The following NLRP2 variants were observed in gnomAD, a reference collection of about 807,000 sequenced individuals.
NLRP2 encodes the protein NLR family pyrin domain containing 2, also known as NACHT, LRR and PYD domains-containing protein 2.
Under a neutral mutation model 97.2 loss-of-function variants are expected in NLRP2, and 107 were observed. The ratio of observed to expected loss-of-function variants is 1.10; its 90% CI spans 0.94 to 1.29. The LOEUF (loss-of-function observed/expected upper bound fraction) is 1.29. NLRP2 is among the 50% of genes most tolerant of loss of function. NLRP2 has a pLI of 0.00. For missense variants in NLRP2, 1,495 were observed against 1,330.3 expected (o/e 1.12, Z -1.93); for synonymous variants, 663 against 551.5 (o/e 1.20, Z -2.83).
chr19:54,998,923 A>T (rs371992959), intron 12 of NLRP2, among the ~76,000 whole-genome samples: 2 of 150,906 alleles, frequency 1.3e-5, no homozygotes, highest in African/African-American at 4.9e-5. Flanking sequence ...GACACAGCAC[A>T]TGTTTCAGAG....
Position 54,986,320 on chromosome 19 carries a change from A to T in NLRP2, c.2366+5A>T, listed in dbSNP as rs763926195. 2 of 1,611,198 alleles carry T rather than the reference A, an allele frequency of 1.2e-6. No homozygotes were observed. Among genetic ancestry groups the T allele is most frequent in the Non-Finnish European group, 1.7e-6 (2 of 1,177,392 alleles). On this transcript the variant is annotated splice_donor_5th_base_variant and intron_variant, in intron 8 of 12. Transcript: ENST00000448584. ...ATGTAACCTGCGATATCTCGGGTATATCTCTTAATCATTAAAATCCTTCAT... is the reference window on the plus strand; with the variant it reads ...ATGTAACCTGCGATATCTCGGGTATTTCTCTTAATCATTAAAATCCTTCAT...
intron 3 of NLRP2, among the ~76,000 whole-genome samples, chr19:54,975,815 G>A (rs761511984): frequency 2.0e-5 from 3 of 151,764 alleles, no homozygotes; most frequent in Non-Finnish European, 4.4e-5. Context: ...CAGTGGCACA[G>A]TCATAGCTCA....
chr19:54,988,125 C>T (rs1407557692), intron 8 of NLRP2, among the ~76,000 whole-genome samples: 1 of 152,134 alleles, frequency 6.6e-6, no homozygotes, highest in African/African-American at 2.4e-5. Context: ...GAATAGGATG[C>T]TGTACATCTT....
At chr19:54,994,528 A>G in intron 11 of NLRP2, 89 bp downstream of exon 11, 1 of 1,387,412 alleles carries the variant, frequency 7.2e-7, no homozygotes, top group Non-Finnish European at 1.0e-6. Context: ...CGACTTCCCA[A>G]GTTATATAAT....
chr19:54,972,943 C>G (rs1602309270), intron 2 of NLRP2, among the ~76,000 whole-genome samples: 1 of 152,036 alleles, frequency 6.6e-6, no homozygotes, highest in Non-Finnish European at 1.5e-5. Context: ...AATCACAGCA[C>G]TTTGGGAGGC....
At chr19:54,994,186 C>T in intron 10 of NLRP2, 83 bp from the exon 11 acceptor site, 3 of 1,435,000 alleles carry the variant, frequency 2.1e-6, no homozygotes, top group Non-Finnish European at 2.9e-6. Context: ...TGTGTCTAAC[C>T]CACGGCTCAA....
chr19:54,990,000 C>A (rs752940983), intron 8 of NLRP2, 22 bp from the exon 9 acceptor site: 1 of 1,601,646 alleles, frequency 6.2e-7, no homozygotes. Flanking sequence ...AAAAAAATGA[C>A]GTGGTCCTAT....
chr19:54,981,721 A>G, intron 5 of NLRP2, 39 bp downstream of exon 5: 1 of 1,111,744 alleles, frequency 9.0e-7, no homozygotes, highest in East Asian at 2.3e-5. Flanking sequence ...TTGGGATCAG[A>G]TTTCTCTTTA....
chr19:54,985,295 G>A (rs2071982742), intron 7 of NLRP2, 78 bp downstream of exon 7: 1 of 1,380,350 alleles, frequency 7.2e-7, no homozygotes, highest in Admixed American at 1.7e-5. Flanking sequence ...GCAATATTCA[G>A]ATTCCTGTAC....
chr19:54,999,883 T>C lies in NLRP2; in HGVS notation c.3051-877T>C, dbSNP rs113478185. Among the ~76,000 whole-genome samples, 1,314 of 152,046 alleles carry C rather than the reference T, an allele frequency of 8.6e-3. 14 individuals carry two copies. Among genetic ancestry groups the C allele is most frequent in the African/African-American group, 0.03 (1,263 of 41,466 alleles). ...TCCTGAGTAGCTGGGATTATAGGGA[T>C]GCACCATCACACCCAACTAACTTTT... is the stretch of plus-strand genomic sequence containing the variant. On this transcript the variant is annotated intron_variant, in intron 12 of 12. Coordinates refer to ENST00000448584, the MANE Select transcript of NLRP2 (RefSeq NM_017852.5).
rs755734084 is a variant in NLRP2, at chr19:54,997,757, C to CTT, written c.3050+283_3050+284dup. Among the ~76,000 whole-genome samples the CTT allele has an allele frequency of 8.4e-3, 1,207 of 143,546 alleles. 12 individuals are homozygous for CTT. Among genetic ancestry groups the CTT allele is most frequent in the African/African-American group, 0.03 (1,158 of 39,208 alleles). 94.2% of individuals were successfully genotyped at this position (143,546 alleles called of 152,430 possible). The stretch of plus-strand genomic sequence containing the variant: ...GGCGTGAGCAACCGCACCCGGCCAC[C>CTT]TTTTTTTTTTTTTTCCTTTGAGGCA... On this transcript the variant is annotated intron_variant, in intron 12 of 12. Coordinates refer to ENST00000448584, the MANE Select transcript of NLRP2 (RefSeq NM_017852.5).
At chr19:54,986,412 C>T in intron 8 of NLRP2, 97 bp downstream of exon 8, 1 of 1,136,604 alleles carries the variant, frequency 8.8e-7, no homozygotes, top group Non-Finnish European at 1.3e-6. Context: ...GTTCGTTATT[C>T]TGACTAGAAA....
intron 10 of NLRP2, chr19:54,991,539 C>T (rs2072473612): frequency 7.1e-6 from 1 of 139,936 alleles, no homozygotes; most frequent in Admixed American, 7.4e-5. Context: ...GCCAATAGAG[C>T]AAGACTCTCT....
intron 10 of NLRP2, 139 bp from the exon 11 acceptor site, chr19:54,994,130 C>A: frequency 1.1e-6 from 1 of 943,222 alleles, no homozygotes; most frequent in Non-Finnish European, 1.7e-6. Context: ...CTTCTGTCCA[C>A]CACACCACCC....
rs1373272909 is a variant in NLRP2 at position 54,990,009 on chromosome 19, A to G, written c.2367-13A>G. ...AAAAAAAAAAAAATGACGTGGTCCTATTTCTCCCACAGGTTGGTGTCTTGT... is the reference window on the plus strand; with the variant it reads ...AAAAAAAAAAAAATGACGTGGTCCTGTTTCTCCCACAGGTTGGTGTCTTGT... On this transcript the variant is annotated splice_polypyrimidine_tract_variant and intron_variant, in intron 8 of 12. Transcript: ENST00000448584. 3.1e-6 allele frequency: 5 copies of G among 1,610,784 alleles called. No individual in the cohort carries two copies. The highest frequency in any genetic ancestry group is 2.0e-4 in the Middle Eastern group (1 of 5,090).
intron 1 of NLRP2, 110 bp downstream of exon 1, chr19:54,966,577 G>C (rs543666207): frequency 6.6e-6 from 1 of 151,984 alleles, no homozygotes; most frequent in Non-Finnish European, 1.5e-5. Context: ...ACGGAGTCTC[G>C]CTCTGTCGCC....
intron 1 of NLRP2, among the ~76,000 whole-genome samples, chr19:54,969,105 CATTGTTGTG>C (rs2070679118): frequency 6.6e-6 from 1 of 152,132 alleles, no homozygotes; most frequent in African/African-American, 2.4e-5. Flanking sequence ...CTTGTCCTTT[CATTGTTGTG>C]TTACTACTTT....
rs1451739013 is a variant in NLRP2, at chr19:54,982,612, G to A, written c.914G>A (p.Cys305Tyr). Residue 305 changes from cysteine (C) to tyrosine (Y), a missense_variant, in exon 6 of 13, where the codon TGC (cysteine) becomes TAC (tyrosine). Cys to Tyr is a radical substitution (Grantham distance 194). Coordinates refer to ENST00000448584, the MANE Select transcript of NLRP2 (RefSeq NM_017852.5). Reference protein sequence around the residue: ...AAPGALIEDICGDWEKKKPVP... With the variant: ...AAPGALIEDIYGDWEKKKPVP... ...CCTGGGGCGCTGATCGAGGACATCT[G>A]CGGGGACTGGGAGAAGAAGAAGCCG... The A allele has an allele frequency of 6.2e-7, 1 of 1,614,166 alleles. No individual in the cohort carries two copies.
chr19:54,988,449 T>TTTTTGTATTTCTAGTA (rs1401571046), intron 8 of NLRP2, among the ~76,000 whole-genome samples: 5 of 152,002 alleles, frequency 3.3e-5, no homozygotes, highest in African/African-American at 1.2e-4. Context: ...CCCACCTGTA[T>TTTTTGTATTTCTAGTA]TTTTGTATTT....
Sources: allele counts gnomAD v4.1 joint callset (sites outside exome capture counted in the v4.1 genomes callset), GRCh38; gene constraint gnomAD v4.1.1; transcripts MANE v1.5; gene names NCBI Gene and HGNC (gene_info 2026-07-23, HGNC 2026-07-21).